Variants in CPPED1 observed in about 807,000 individuals in gnomAD.
CPPED1 encodes serine/threonine-protein phosphatase CPPED1.
A neutral mutation model predicts 28.0 loss-of-function variants in CPPED1; 28 were observed. The ratio of observed to expected loss-of-function variants is 1.00; its 90% CI spans 0.74 to 1.37. The LOEUF (loss-of-function observed/expected upper bound fraction) is 1.37, where lower values mean the gene tolerates loss of function less well. Ranked by LOEUF, CPPED1 falls within the 40% of genes most tolerant of loss-of-function variation. CPPED1 has a pLI of 0.00. For missense variants in CPPED1, 504 were observed against 416.5 expected (o/e 1.21, Z -1.83); for synonymous variants, 198 against 180.2 (o/e 1.10, Z -0.79).
At chr16:12,684,219 C>A (rs1622135) in intron 3 of CPPED1, among the ~76,000 whole-genome samples, 92,322 of 152,020 alleles carry the variant, frequency 0.61, 29,967 homozygotes, top group African/African-American at 0.85. Context: ...CCATCTTTCT[C>A]AAATGCAAAA....
chr16:12,667,740 G>C (rs989304033), intron 3 of CPPED1, among the ~76,000 whole-genome samples: 5 of 152,166 alleles, frequency 3.3e-5, no homozygotes, highest in Admixed American at 6.6e-5. Flanking sequence ...TGAGTTCTCT[G>C]AATTCAAAAA....
At chr16:12,770,317 C>T (rs887650245) in intron 2 of CPPED1, among the ~76,000 whole-genome samples, 1 of 152,170 alleles carries the variant, frequency 6.6e-6, no homozygotes, top group Non-Finnish European at 1.5e-5. Flanking sequence ...TACAACAGCA[C>T]GTCTGAGGAT....
intron 2 of CPPED1, 26 bp downstream of exon 2, chr16:12,781,159 G>A: frequency 6.3e-7 from 1 of 1,595,908 alleles, no homozygotes; most frequent in South Asian, 1.1e-5. Flanking sequence ...AGGAGAAAAG[G>A]TCACAAGCGA....
At chr16:12,667,431 A>G (rs372296142) in intron 3 of CPPED1, among the ~76,000 whole-genome samples, 2 of 152,320 alleles carry the variant, frequency 1.3e-5, no homozygotes, top group South Asian at 2.1e-4. Flanking sequence ...CAAAACATCC[A>G]TTAAAATTTA....
In CPPED1 at chr16:12,682,492, G is replaced by A. The variant is rs553912992; in HGVS notation, c.716-17377C>T. ...GTCAGAAAAGCAGTGGCAGCCTGGG[G>A]TGGGAGCTAGGGGTTGGGAGACTCA... On this transcript the variant is annotated intron_variant, in intron 3 of 3. Transcript: ENST00000381774. The surrounding 1 kb of genome is among the most constrained non-coding windows in gnomAD (Gnocchi z 6.1). Among the ~76,000 whole-genome samples, 6 of 152,276 alleles carry A rather than the reference G, an allele frequency of 3.9e-5. No homozygotes were observed. The highest frequency in any genetic ancestry group is 4.1e-4 in the South Asian group (2 of 4,826).
intron 3 of CPPED1, among the ~76,000 whole-genome samples, chr16:12,669,404 G>A (rs932710220): frequency 1.3e-5 from 2 of 152,128 alleles, no homozygotes; most frequent in South Asian, 4.1e-4. Context: ...ATTAGATCAC[G>A]GTGATACTTG....
At chr16:12,730,834 G>A (rs914078719) in intron 2 of CPPED1, among the ~76,000 whole-genome samples, 11 of 152,142 alleles carry the variant, frequency 7.2e-5, no homozygotes, top group African/African-American at 1.7e-4. Flanking sequence ...ATCTCAACTC[G>A]AGTGGTGGGG....
rs772055130 is a variant in CPPED1, at chr16:12,704,794, T to G, written c.545A>C (p.Asp182Ala). 12 of 1,614,086 alleles carry G rather than the reference T, an allele frequency of 7.4e-6. No individual in the cohort carries two copies. The Admixed American group carries it at 1.8e-4, about 25-fold the overall frequency. The change falls in exon 3 of 4, where the codon GAC (aspartate) becomes GCC (alanine). Residue 182 changes from aspartate to alanine, a missense_variant. By Grantham distance (126) the Asp-to-Ala change is moderately radical (BLOSUM62 -2). Coordinates refer to ENST00000381774, the MANE Select transcript of CPPED1 (RefSeq NM_018340.3). ...SKCPSLKQAQ[D>A]QWLDEQLSIA... ...GCTCAGCTGCTCGTCCAGCCACTGG[T>G]CCTGAGCCTGCTTCAGGCTGGGGCA...
intron 3 of CPPED1, among the ~76,000 whole-genome samples, chr16:12,677,273 G>C (rs1004591299): frequency 6.6e-6 from 1 of 152,228 alleles, no homozygotes; most frequent in African/African-American, 2.4e-5. Context: ...GAGGATAGGC[G>C]AGGGCGGGGA....
In CPPED1 at chr16:12,671,000, G is replaced by C. The variant is rs935172827; in HGVS notation, c.716-5885C>G. Among the ~76,000 whole-genome samples the C allele has an allele frequency of 1.3e-5, 2 of 152,158 alleles. No individual in the cohort carries two copies. Among genetic ancestry groups the C allele is most frequent in the South Asian group, 2.1e-4 (1 of 4,812 alleles). ...TGAGTAGCTGGGATTACAGGTGCCT[G>C]CCACCATGCCCAGCTCACTTTTGTA... On this transcript the variant is annotated intron_variant, in intron 3 of 3. Coordinates refer to ENST00000381774, the MANE Select transcript of CPPED1 (RefSeq NM_018340.3). The surrounding 1 kb of genome is among the most constrained non-coding windows in gnomAD (Gnocchi z 4.2).
chr16:12,768,867 C>CTTTTTTT (rs35322378), intron 2 of CPPED1, among the ~76,000 whole-genome samples: 1 of 138,042 alleles, frequency 7.2e-6, no homozygotes, highest in East Asian at 2.1e-4. Flanking sequence ...TTTTCTTTTT[C>CTTTTTTT]TTTTTTTTTT....
chr16:12,765,689 A>G (rs978089049), intron 2 of CPPED1, among the ~76,000 whole-genome samples: 4 of 152,240 alleles, frequency 2.6e-5, no homozygotes, highest in African/African-American at 7.2e-5. Flanking sequence ...AATAATACAT[A>G]TTGAATAGAA....
At chr16:12,767,776 G>C (rs1423793035) in intron 2 of CPPED1, among the ~76,000 whole-genome samples, 2 of 152,138 alleles carry the variant, frequency 1.3e-5, no homozygotes, top group East Asian at 3.9e-4. Context: ...TGGCCAGCAT[G>C]GTGAAACTCC....
intron 3 of CPPED1, among the ~76,000 whole-genome samples, chr16:12,683,232 C>A (rs938997326): frequency 6.6e-6 from 1 of 152,156 alleles, no homozygotes; most frequent in African/African-American, 2.4e-5. Context: ...GCGATGATCC[C>A]TTAAAGAACA....
chr16:12,750,999 C>CAA (rs1288499450), intron 2 of CPPED1, among the ~76,000 whole-genome samples: 11 of 148,564 alleles, frequency 7.4e-5, no homozygotes, highest in Non-Finnish European at 1.2e-4. Context: ...CAAACAACAA[C>CAA]AACAAAAAAA....
At chr16:12,780,971 T>C in intron 2 of CPPED1, 3 of 575,864 alleles carry the variant, frequency 5.2e-6, no homozygotes, top group Non-Finnish European at 6.2e-6. Flanking sequence ...GAACTGTAGC[T>C]GTGCCTAATT....
intron 2 of CPPED1, among the ~76,000 whole-genome samples, chr16:12,716,171 T>C (rs2080106074): frequency 6.6e-6 from 1 of 152,226 alleles, no homozygotes; most frequent in Non-Finnish European, 1.5e-5. Context: ...TCACTGGACA[T>C]GTTACTTCTG....
rs1473468130 is a variant in CPPED1, at chr16:12,773,068, G to A, written c.289+8117C>T. Among the ~76,000 whole-genome samples, 7 of 152,276 alleles carry A rather than the reference G, an allele frequency of 4.6e-5. No individual in the cohort carries two copies. In the East Asian group the frequency reaches 1.4e-3, roughly 29 times the overall value. On this transcript the variant is annotated intron_variant, in intron 2 of 3. Transcript: ENST00000381774. ...TAAGAAAAAACTCTTAGTTTTCAGA[G>A]CTTTCTGAACTTTTGAGATGGTAGG...
intron 2 of CPPED1, among the ~76,000 whole-genome samples, chr16:12,711,598 G>C (rs923554580): frequency 1.3e-5 from 2 of 152,176 alleles, no homozygotes; most frequent in African/African-American, 4.8e-5. Context: ...CTGGGTCTAG[G>C]AGTCTGGAGT....
Sources: allele counts gnomAD v4.1 joint callset (sites outside exome capture counted in the v4.1 genomes callset), GRCh38; gene constraint gnomAD v4.1.1; non-coding constraint Gnocchi (gnomAD v3.1); transcripts MANE v1.5; gene names NCBI Gene and HGNC (gene_info 2026-07-23, HGNC 2026-07-21).